Variants in CRPPA observed in about 807,000 individuals in gnomAD.
CRPPA encodes D-ribitol-5-phosphate cytidylyltransferase.
A neutral mutation model predicts 52.0 loss-of-function variants in CRPPA; 43 were observed. The observed-to-expected ratio is 0.83, with a 90% confidence interval of 0.65 to 1.07. The LOEUF is 1.07. Among genes scored for constraint, CRPPA ranks in the 50% least tolerant of loss-of-function variants. CRPPA has a pLI of 0.00. For synonymous variants in CRPPA, 250 were observed against 203.5 expected (o/e 1.23, Z -1.94); for missense variants, 629 against 551.7 (o/e 1.14, Z -1.40).
At chr7:16,324,438 C>T (rs1307932213) in intron 3 of CRPPA, among the ~76,000 whole-genome samples, 1 of 152,212 alleles carries the variant, frequency 6.6e-6, no homozygotes, top group African/African-American at 2.4e-5. Flanking sequence ...TGCTGTTTCT[C>T]TAAACATTCT....
intron 9 of CRPPA, among the ~76,000 whole-genome samples, chr7:16,115,474 G>A (rs1562511211): frequency 6.6e-6 from 1 of 152,170 alleles, no homozygotes; most frequent in Admixed American, 6.5e-5. Context: ...AATAGGTATA[G>A]AAGAGTGTTT....
chr7:16,184,756 T>C lies in CRPPA; in HGVS notation c.1251+31310A>G, dbSNP rs535580088. ...TCAGTAATTTTACTTATGTTATCTT[T>C]TGTTTCCTCCAAATGTTTAGGCAGA... On this transcript the variant is annotated intron_variant, in intron 9 of 9. Coordinates refer to ENST00000407010, the MANE Select transcript of CRPPA (RefSeq NM_001101426.4). Among the ~76,000 whole-genome samples the C allele has an allele frequency of 1.1e-4, 17 of 152,334 alleles. No individual in the cohort carries two copies. The South Asian group carries it at 3.3e-3, about 30-fold the overall frequency.
At chr7:16,292,340 T>A (rs185665627) in intron 5 of CRPPA, among the ~76,000 whole-genome samples, 1 of 152,064 alleles carries the variant, frequency 6.6e-6, no homozygotes, top group Admixed American at 6.6e-5. Flanking sequence ...TGTCCTTTTG[T>A]GCAGGACTCT....
intron 8 of CRPPA, among the ~76,000 whole-genome samples, chr7:16,243,500 T>C (rs996750079): frequency 6.6e-6 from 1 of 152,078 alleles, no homozygotes; most frequent in Non-Finnish European, 1.5e-5. Context: ...ACTCCTTAAA[T>C]CATGCTAAAT....
chr7:16,416,681 C>CA (rs61476408), intron 1 of CRPPA, among the ~76,000 whole-genome samples: 54,713 of 147,654 alleles, frequency 0.37, 10,098 homozygotes, highest in East Asian at 0.52. Context: ...CAAACAAATA[C>CA]AAAAAAAAAA....
At chr7:16,289,140 C>T (rs919878456) in intron 5 of CRPPA, among the ~76,000 whole-genome samples, 1 of 151,836 alleles carries the variant, frequency 6.6e-6, no homozygotes, top group Non-Finnish European at 1.5e-5. Context: ...ATACAACCTA[C>T]CAAGATCGAA....
chr7:16,253,858 C>T (rs947391359), intron 8 of CRPPA, among the ~76,000 whole-genome samples: 6 of 151,936 alleles, frequency 3.9e-5, no homozygotes, highest in South Asian at 2.1e-4. Context: ...AGCTAATATC[C>T]GGACTCTACC....
rs555536032 is a variant in CRPPA at position 16,385,101 on chromosome 7, T to C, written c.535-8860A>G. On this transcript the variant is annotated intron_variant, in intron 2 of 9. Transcript: ENST00000407010. ...ATCAATGAACTTACACTTAGATAAA[T>C]AGACGTAATACAATCCAAACAAATG... Among the ~76,000 whole-genome samples, 11 of 151,866 alleles carry C rather than the reference T, an allele frequency of 7.2e-5. No homozygotes were observed. In the South Asian group the frequency reaches 8.3e-4, roughly 11 times the overall value.
At position 16,361,975 on chromosome 7, in the gene CRPPA, C is replaced by T. The variant is rs759591294; in HGVS notation, c.684+14117G>A. 8.6e-4 allele frequency among the ~76,000 whole-genome samples: 131 copies of T among 152,260 alleles called. 1 individual carries two copies. Among genetic ancestry groups the T allele is most frequent in the Non-Finnish European group, 1.7e-3 (115 of 68,012 alleles). ...GTTCACGCCATTCTCCTGCCTCAGC[C>T]TCCCGAGTAGCTGGGACTACAGGCA... On this transcript the variant is annotated intron_variant, in intron 3 of 9. Transcript: ENST00000407010.
At chr7:16,100,819 A>AT (rs1782029745) in intron 9 of CRPPA, among the ~76,000 whole-genome samples, 1 of 152,148 alleles carries the variant, frequency 6.6e-6, no homozygotes, top group Non-Finnish European at 1.5e-5. Context: ...ATTTTGAGAT[A>AT]TGTTCCATAA....
At chr7:16,103,189 C>G (rs1315071121) in intron 9 of CRPPA, among the ~76,000 whole-genome samples, 3 of 152,078 alleles carry the variant, frequency 2.0e-5, no homozygotes, top group Admixed American at 6.5e-5. Flanking sequence ...TCATTCTCAG[C>G]AGACTAACAC....
intron 1 of CRPPA, among the ~76,000 whole-genome samples, chr7:16,420,656 G>A (rs1788306352): frequency 6.6e-6 from 1 of 152,202 alleles, no homozygotes; most frequent in African/African-American, 2.4e-5. Context: ...CACACGCCCT[G>A]GAAACTTCAG....
intron 9 of CRPPA, among the ~76,000 whole-genome samples, chr7:16,170,897 A>C (rs1356450569): frequency 6.6e-6 from 1 of 152,154 alleles, no homozygotes; most frequent in African/African-American, 2.4e-5. Flanking sequence ...GCCCACCCGG[A>C]ACTTGCACTG....
At chr7:16,319,291 A>G (rs1278286559) in intron 3 of CRPPA, among the ~76,000 whole-genome samples, 1 of 152,106 alleles carries the variant, frequency 6.6e-6, no homozygotes, top group Non-Finnish European at 1.5e-5. Flanking sequence ...GTATTGCACC[A>G]ATTTTATATT....
At chr7:16,230,128 G>A (rs933323783) in intron 8 of CRPPA, among the ~76,000 whole-genome samples, 3 of 151,916 alleles carry the variant, frequency 2.0e-5, no homozygotes, top group Non-Finnish European at 4.4e-5. Flanking sequence ...ACCTTATTTG[G>A]TTTAAATTTG....
intron 9 of CRPPA, among the ~76,000 whole-genome samples, chr7:16,208,461 A>T (rs893076721): frequency 1.3e-5 from 2 of 152,234 alleles, no homozygotes; most frequent in Admixed American, 1.3e-4. Context: ...CTGTAATTTC[A>T]TAATTTCAAG....
rs764542382 is a variant in CRPPA, at chr7:16,406,234, C to T, written c.361G>A (p.Glu121Lys). The T allele has an allele frequency of 2.9e-5, 46 of 1,613,848 alleles. No homozygotes were observed. The highest frequency in any genetic ancestry group is 4.5e-5 in the East Asian group (2 of 44,886). The change falls in exon 2 of 10, where the codon GAA (glutamate) becomes AAA (lysine). Residue 121 changes from glutamate (E) to lysine (K), a missense_variant. Physicochemically the swap from Glu to Lys is moderately conservative, Grantham distance 56. Transcript: ENST00000407010. ...KYQHKRISLV[E>K]AGVTRHRSIF... is the part of the protein sequence containing the mutation. ...GACCTGTGGCGGGTCACTCCAGCTT[C>T]GACCAGTGAGATGCGTTTATGCTGA...
In CRPPA at chr7:16,339,446, T is replaced by C. The variant is rs527992025; in HGVS notation, c.685-30819A>G. Among the ~76,000 whole-genome samples, 4 of 151,890 alleles carry C rather than the reference T, an allele frequency of 2.6e-5. No individual in the cohort carries two copies. In the East Asian group the frequency reaches 7.8e-4, roughly 30 times the overall value. On this transcript the variant is annotated intron_variant, in intron 3 of 9. Coordinates refer to ENST00000407010, the MANE Select transcript of CRPPA (RefSeq NM_001101426.4). ...ACAATAAGCTGAAGGAGAAAAAAAATCACATGATCATATCAATAGATGGAG... is the reference window on the plus strand; with the variant it reads ...ACAATAAGCTGAAGGAGAAAAAAAACCACATGATCATATCAATAGATGGAG...
At chr7:16,256,624 GA>G (rs1481626445) in intron 8 of CRPPA, among the ~76,000 whole-genome samples, 2 of 152,116 alleles carry the variant, frequency 1.3e-5, no homozygotes, top group African/African-American at 2.4e-5. Flanking sequence ...GGACATAGAT[GA>G]AACTAGAAAC....
Sources: allele counts gnomAD v4.1 joint callset (sites outside exome capture counted in the v4.1 genomes callset), GRCh38; gene constraint gnomAD v4.1.1; transcripts MANE v1.5; gene names NCBI Gene and HGNC (gene_info 2026-07-23, HGNC 2026-07-21).